The following SAMD4A variants were observed in gnomAD, a reference collection of about 807,000 sequenced individuals.
The protein encoded by SAMD4A is protein Smaug homolog 1.
SAMD4A carries 33 observed loss-of-function variants against 81.3 expected under a neutral mutation model. That is an observed-to-expected ratio of 0.41 (90% CI 0.31 to 0.54). The LOEUF (loss-of-function observed/expected upper bound fraction) is 0.54. Among genes scored for constraint, SAMD4A ranks in the 20% least tolerant of loss-of-function variants. The pLI is 0.37. For synonymous variants in SAMD4A, 389 were observed against 382.1 expected, an observed-to-expected ratio of 1.02 and a Z score of -0.21; for missense variants, 854 against 951.1, an observed-to-expected ratio of 0.90 and a Z score of 1.34.
intron 2 of SAMD4A, among the ~76,000 whole-genome samples, chr14:54,700,315 A>C (rs1011448163): frequency 1.3e-5 from 2 of 152,206 alleles, no homozygotes; most frequent in African/African-American, 2.4e-5. Flanking sequence ...CCAAGGTTCT[A>C]CCACAAATTA....
chr14:54,651,010 C>T (rs145005189), intron 2 of SAMD4A, among the ~76,000 whole-genome samples: 133 of 152,286 alleles, frequency 8.7e-4, no homozygotes, highest in African/African-American at 3.2e-3. Flanking sequence ...TCTGGATATT[C>T]GCAGAGGTTC....
chr14:54,633,481 T>A (rs528728434), intron 2 of SAMD4A, among the ~76,000 whole-genome samples: 1 of 152,162 alleles, frequency 6.6e-6, no homozygotes, highest in Admixed American at 6.5e-5. Flanking sequence ...ACTCTGGATG[T>A]GGGGTCGTGA....
At chr14:54,600,358 G>A (rs900038268) in intron 2 of SAMD4A, among the ~76,000 whole-genome samples, 1 of 152,132 alleles carries the variant, frequency 6.6e-6, no homozygotes, top group Non-Finnish European at 1.5e-5. Flanking sequence ...CCAAGGTTTT[G>A]TTGTTGTTAC....
chr14:54,765,806 G>A (rs151075006), intron 8 of SAMD4A, among the ~76,000 whole-genome samples: 1,961 of 151,440 alleles, frequency 0.013, 44 homozygotes, highest in African/African-American at 0.045. Context: ...CTGTGCTATC[G>A]AAGTTCTCAC....
intron 2 of SAMD4A, among the ~76,000 whole-genome samples, chr14:54,599,817 T>G (rs1594715027): frequency 6.6e-6 from 1 of 152,254 alleles, no homozygotes; most frequent in Non-Finnish European, 1.5e-5. Flanking sequence ...TAGTTCCCTC[T>G]GATTATTCTT....
chr14:54,643,647 C>T (rs183717124), intron 2 of SAMD4A, among the ~76,000 whole-genome samples: 114 of 152,260 alleles, frequency 7.5e-4, no homozygotes, highest in Admixed American at 1.3e-3. Flanking sequence ...TGAAGTTTTG[C>T]GGTGTTATAA....
At chr14:54,764,616 A>G in intron 8 of SAMD4A, 76 bp downstream of exon 8, 1 of 975,624 alleles carries the variant, frequency 1.0e-6, no homozygotes, top group South Asian at 1.5e-5. Flanking sequence ...CTGTGATGTG[A>G]TCATTTTAGC....
chr14:54,752,433 G>A (rs1293787309), intron 6 of SAMD4A, among the ~76,000 whole-genome samples: 1 of 152,228 alleles, frequency 6.6e-6, no homozygotes, highest in Non-Finnish European at 1.5e-5. Context: ...GCAGCCTGCA[G>A]AGCTTTAGAG....
chr14:54,777,821 CTT>C (rs1218803531), intron 11 of SAMD4A, among the ~76,000 whole-genome samples: 1 of 152,188 alleles, frequency 6.6e-6, no homozygotes. Flanking sequence ...ACTCTGCTCA[CTT>C]TTGTTTTAAA....
chr14:54,603,025 G>A (rs968976421), intron 2 of SAMD4A, among the ~76,000 whole-genome samples: 4 of 152,150 alleles, frequency 2.6e-5, no homozygotes, highest in Admixed American at 1.3e-4. Flanking sequence ...TAGAGTTTGA[G>A]GAACACTGGT....
intron 2 of SAMD4A, among the ~76,000 whole-genome samples, chr14:54,657,332 A>G (rs2140449438): frequency 6.6e-6 from 1 of 152,326 alleles, no homozygotes; most frequent in Non-Finnish European, 1.5e-5. Flanking sequence ...TACATCGAAG[A>G]ATTTTTTCTT....
chr14:54,751,588 C>A, intron 6 of SAMD4A, 51 bp downstream of exon 6: 1 of 1,217,224 alleles, frequency 8.2e-7, no homozygotes, highest in Non-Finnish European at 1.2e-6. Context: ...GGAAAATGGA[C>A]CAAGGAAAAT....
At chr14:54,566,512 G>A (rs2032938952), upstream of SAMD4A, among the ~76,000 whole-genome samples, 2 of 151,770 alleles carry the variant, frequency 1.3e-5, no homozygotes, top group Admixed American at 1.3e-4. Context: ...GGGACTGGGG[G>A]AACCCCCGCA....
intron 7 of SAMD4A, among the ~76,000 whole-genome samples, chr14:54,760,830 T>G (rs913859055): frequency 1.3e-5 from 2 of 152,204 alleles, no homozygotes; most frequent in Non-Finnish European, 2.9e-5. Flanking sequence ...AAGATGATTT[T>G]GGGAACAAAC....
At chr14:54,612,592 C>G (rs1288604655) in intron 2 of SAMD4A, among the ~76,000 whole-genome samples, 1 of 152,114 alleles carries the variant, frequency 6.6e-6, no homozygotes, top group Non-Finnish European at 1.5e-5. Flanking sequence ...ATGAAAATGA[C>G]TTATTTCCAT....
intron 12 of SAMD4A, among the ~76,000 whole-genome samples, chr14:54,787,952 G>A (rs927283396): frequency 1.3e-4 from 20 of 152,158 alleles, no homozygotes; most frequent in Admixed American, 1.2e-3. Flanking sequence ...TAGAACCCAC[G>A]TGTAAGCAGA....
chr14:54,572,217 G>A (rs2033149956), intron 2 of SAMD4A, among the ~76,000 whole-genome samples: 1 of 152,156 alleles, frequency 6.6e-6, no homozygotes, highest in South Asian at 2.1e-4. Context: ...GCATAGATAT[G>A]GGGATAAAAA....
In SAMD4A at chr14:54,792,363, T is replaced by C. The variant is rs926728809; in HGVS notation, c.*3419T>C. 5 of 152,190 alleles carry C rather than the reference T, an allele frequency of 3.3e-5. No individual in the cohort carries two copies. The highest frequency in any genetic ancestry group is 4.8e-5 in the African/African-American group (2 of 41,436). 9.4% of individuals were successfully genotyped at this position (152,190 alleles called of 1,614,324 possible). ...ACACTGAGGGAAACAAGGGTTTCTTTTGAGGTGTCCTTGGCTGCCTTTTAC... is the reference window on the plus strand; with the variant it reads ...ACACTGAGGGAAACAAGGGTTTCTTCTGAGGTGTCCTTGGCTGCCTTTTAC... On this transcript the variant is annotated 3_prime_UTR_variant, in exon 13 of 13. Coordinates refer to ENST00000554335, the MANE Select transcript of SAMD4A (RefSeq NM_015589.6).
intron 3 of SAMD4A, among the ~76,000 whole-genome samples, chr14:54,728,035 T>A (rs919451095): frequency 2.6e-5 from 4 of 152,158 alleles, no homozygotes; most frequent in African/African-American, 7.2e-5. Flanking sequence ...AAGAAATGAA[T>A]GCTGTTCAAT....
Sources: gnomAD v4.1 joint callset for allele counts (sites outside exome capture counted in the v4.1 genomes callset) on GRCh38, gnomAD v4.1.1 for gene constraint, MANE v1.5 for transcripts, NCBI Gene and HGNC (gene_info 2026-07-23, HGNC 2026-07-21) for gene names.